The following DNAH8 variants were observed in gnomAD, a reference collection of about 807,000 sequenced individuals.
DNAH8 encodes the protein axonemal beta dynein heavy chain 8.
DNAH8 carries 382 observed loss-of-function variants against 562.1 expected under a neutral mutation model. The observed-to-expected ratio is 0.68, with a 90% confidence interval of 0.63 to 0.74. DNAH8 has a LOEUF of 0.74. Ranked by LOEUF, DNAH8 falls within the 30% of genes least tolerant of loss-of-function variation. The pLI is 0.00. For missense variants in DNAH8, 5,203 were observed against 5,620.4 expected (o/e 0.93, Z 2.37); for synonymous variants, 1,881 against 1,919.4 (o/e 0.98, Z 0.52).
At chr6:38,981,442 CAGTT>C (rs1320904561) in intron 85 of DNAH8, among the ~76,000 whole-genome samples, 2 of 152,180 alleles carry the variant, frequency 1.3e-5, no homozygotes, top group African/African-American at 4.8e-5. Flanking sequence ...CAATTGTAAA[CAGTT>C]AGCCACTATT....
rs1313501467 is a variant in DNAH8 at position 38,780,076 on chromosome 6, T to C, written c.2139+11T>C. ...GATGCTACTAAGAAGGCAAGTGTCA[T>C]GTTTATAAATAAAATGGTACATTAG... On this transcript the variant is annotated intron_variant, in intron 15 of 92. Coordinates refer to ENST00000327475, the MANE Select transcript of DNAH8 (RefSeq NM_001206927.2). 6.2e-7 allele frequency: 1 copy of C among 1,610,308 alleles called. No individual in the cohort carries two copies. The highest frequency in any genetic ancestry group is 8.5e-7 in the Non-Finnish European group (1 of 1,177,706).
intron 82 of DNAH8, among the ~76,000 whole-genome samples, chr6:38,959,448 A>G (rs1481514857): frequency 6.6e-6 from 1 of 152,168 alleles, no homozygotes; most frequent in Non-Finnish European, 1.5e-5. Context: ...GTCAATCTAC[A>G]CGAATTAGGG....
intron 53 of DNAH8, among the ~76,000 whole-genome samples, chr6:38,877,412 T>C (rs1263843397): frequency 6.6e-6 from 1 of 152,226 alleles, no homozygotes; most frequent in Non-Finnish European, 1.5e-5. Flanking sequence ...TTTTCTTATT[T>C]TTAATGGAGA....
Position 38,826,113 on chromosome 6 carries a change from A to G in DNAH8, c.3848-43A>G, listed in dbSNP as rs370671761. ...TTATAGATGCCCTTATAGTTTCAGA[A>G]TGCCAGTTATATTCTAATTTAATTT... On this transcript the variant is annotated intron_variant, in intron 28 of 92. Transcript: ENST00000327475. 375 of 1,353,378 alleles carry G rather than the reference A, an allele frequency of 2.8e-4. 1 individual carries two copies. The highest frequency in any genetic ancestry group is 3.7e-4 in the Non-Finnish European group (364 of 984,258). The allele number at this position is 1,353,378 out of a possible 1,614,324, so 83.8% of individuals were successfully genotyped here.
intron 20 of DNAH8, 104 bp from the exon 21 acceptor site, chr6:38,791,451 G>A (rs972331990): frequency 9.7e-6 from 13 of 1,342,246 alleles, no homozygotes; most frequent in Non-Finnish European, 1.3e-5. Context: ...CAAGTTTCTA[G>A]ACTTAGCCTT....
At chr6:38,909,775 T>C (rs1780745315) in intron 65 of DNAH8, 31 bp downstream of exon 65, 3 of 1,552,292 alleles carry the variant, frequency 1.9e-6, no homozygotes, top group African/African-American at 2.7e-5. Context: ...ACCATCGCTA[T>C]GGAACCACAG....
At chr6:38,805,113 G>GT (rs1290150004) in intron 22 of DNAH8, among the ~76,000 whole-genome samples, 1 of 152,094 alleles carries the variant, frequency 6.6e-6, no homozygotes, top group African/African-American at 2.4e-5. Flanking sequence ...TTTCCACTTA[G>GT]TTTAATTAGT....
At chr6:38,991,012 G>T (rs1276990461) in intron 88 of DNAH8, among the ~76,000 whole-genome samples, 1 of 152,136 alleles carries the variant, frequency 6.6e-6, no homozygotes, top group Non-Finnish European at 1.5e-5. Context: ...CCTAAGAGTG[G>T]GGCATTCCTC....
At chr6:38,919,409 G>A (rs1281943347) in intron 70 of DNAH8, among the ~76,000 whole-genome samples, 1 of 152,110 alleles carries the variant, frequency 6.6e-6, no homozygotes, top group Non-Finnish European at 1.5e-5. Flanking sequence ...GCCCTCTTCA[G>A]ATTCTTAATA....
At chr6:38,767,274 T>C (rs1315690139) in intron 11 of DNAH8, among the ~76,000 whole-genome samples, 1 of 152,082 alleles carries the variant, frequency 6.6e-6, no homozygotes, top group Non-Finnish European at 1.5e-5. Context: ...CCGTCTCTAC[T>C]AAAAATACAA....
At chr6:38,766,393 A>G (rs1229197279) in intron 11 of DNAH8, among the ~76,000 whole-genome samples, 1 of 152,158 alleles carries the variant, frequency 6.6e-6, no homozygotes, top group African/African-American at 2.4e-5. Flanking sequence ...CACAATGACG[A>G]GATATTGGTG....
rs115292331 is a variant in DNAH8 at position 38,720,004 on chromosome 6, C to A, written c.-34-2772C>A. Among the ~76,000 whole-genome samples the A allele has an allele frequency of 2.1e-3, 318 of 152,266 alleles. 2 individuals are homozygous for A. Among genetic ancestry groups the A allele is most frequent in the African/African-American group, 7.0e-3 (290 of 41,550 alleles). On this transcript the variant is annotated intron_variant, in intron 1 of 92. Transcript: ENST00000327475. ...TATAAGGATGAGATCATTTCCAGTA[C>A]CACAGAGAAGTGAAAAAACCTCTAA...
At chr6:38,943,492 G>A (rs1349153969) in intron 79 of DNAH8, among the ~76,000 whole-genome samples, 2 of 149,820 alleles carry the variant, frequency 1.3e-5, no homozygotes, top group South Asian at 2.1e-4. Flanking sequence ...GGTTTTTTTT[G>A]TTTGTTTCAA....
chr6:38,949,823 A>G (rs1034099745), intron 81 of DNAH8, among the ~76,000 whole-genome samples: 8 of 152,190 alleles, frequency 5.3e-5, no homozygotes, highest in African/African-American at 1.7e-4. Context: ...TATTTTGACA[A>G]CGTATTAATG....
intron 88 of DNAH8, among the ~76,000 whole-genome samples, chr6:38,992,783 G>A (rs141527917): frequency 3.9e-5 from 6 of 152,090 alleles, no homozygotes; most frequent in South Asian, 2.1e-4. Context: ...GAAGTACAAC[G>A]CAAATGTAAA....
intron 21 of DNAH8, among the ~76,000 whole-genome samples, chr6:38,794,616 G>A (rs996690037): frequency 3.3e-5 from 5 of 152,062 alleles, no homozygotes; most frequent in African/African-American, 1.2e-4. Flanking sequence ...CTGTATATTA[G>A]TTTCGCCTGT....
intron 22 of DNAH8, among the ~76,000 whole-genome samples, chr6:38,804,193 A>C (rs191102954): frequency 8.6e-4 from 131 of 152,304 alleles, no homozygotes; most frequent in Non-Finnish European, 1.1e-3. Flanking sequence ...GTTGAATTTG[A>C]ATCCCCTTTA....
intron 91 of DNAH8, 61 bp downstream of exon 91, chr6:39,012,698 G>T (rs531550201): frequency 7.6e-7 from 1 of 1,311,866 alleles, no homozygotes; most frequent in Non-Finnish European, 1.1e-6. Context: ...TAGTAGCATC[G>T]TGTGATAAAT....
chr6:38,734,422 T>C, intron 4 of DNAH8, 52 bp from the exon 5 acceptor site: 1 of 1,585,906 alleles, frequency 6.3e-7, no homozygotes, highest in Admixed American at 1.8e-5. Context: ...GTAACTTATC[T>C]CATTTGATTA....
Sources: gnomAD v4.1 joint callset for allele counts (sites outside exome capture counted in the v4.1 genomes callset) on GRCh38, gnomAD v4.1.1 for gene constraint, MANE v1.5 for transcripts, NCBI Gene and HGNC (gene_info 2026-07-23, HGNC 2026-07-21) for gene names.